The following ZFHX3 variants were observed in gnomAD, a reference collection of about 807,000 sequenced individuals.
The protein encoded by ZFHX3 is zinc finger homeobox protein 3.
In ZFHX3, 42 loss-of-function variants were observed where a neutral mutation model predicts 279.1. That is an observed-to-expected ratio of 0.15 (90% CI 0.12 to 0.19). The LOEUF is 0.19. ZFHX3 is among the 10% of genes least tolerant of loss of function. The pLI, the probability that ZFHX3 is intolerant of heterozygous loss-of-function variation, is 1.00. For synonymous variants in ZFHX3, 2,293 were observed against 1,957.8 expected (o/e 1.17, Z -4.52); for missense variants, 4,981 against 4,754.0 (o/e 1.05, Z -1.40).
rs2035792410 is a variant in ZFHX3 at position 72,793,644 on chromosome 16, C to T, written c.9038G>A (p.Gly3013Asp). 1 of 1,614,144 alleles carries T rather than the reference C, an allele frequency of 6.2e-7. No individual in the cohort carries two copies. The highest frequency in any genetic ancestry group is 8.5e-7 in the Non-Finnish European group (1 of 1,180,026). The change falls in exon 9 of 10, where the codon GGT becomes GAT. Residue 3013 changes from glycine to aspartate, a missense_variant. Transcript: ENST00000268489. The surrounding 1 kb of genome is among the most constrained non-coding windows in gnomAD (Gnocchi z 4.3). ...TCCCTCATAACTCGTTTGGTTTATA[C>T]CAAAATGCTTGGCCATGCTTAACTT... ...KSKLSMAKHF[G>D]INQTSYEGPK...
At chr16:73,302,000 C>T (rs2143134708) in intron 4 of ZFHX3, among the ~76,000 whole-genome samples, 1 of 152,180 alleles carries the variant, frequency 6.6e-6, no homozygotes, top group East Asian at 1.9e-4. Context: ...CCAACCTGTG[C>T]ACCAGCCACA....
chr16:73,873,330 A>T (rs1368743013), intron 1 of ZFHX3, among the ~76,000 whole-genome samples: 1 of 151,188 alleles, frequency 6.6e-6, no homozygotes, highest in Non-Finnish European at 1.5e-5. Context: ...GGTGGTGGTG[A>T]CCAAATTAGC....
chr16:72,945,792 C>T (rs542529443), intron 3 of ZFHX3, among the ~76,000 whole-genome samples: 12 of 152,086 alleles, frequency 7.9e-5, no homozygotes, highest in South Asian at 2.1e-4. Flanking sequence ...GAAGGCAGGA[C>T]GGGAGGGAGG....
At chr16:73,575,231 G>C (rs1419875878) in intron 2 of ZFHX3, among the ~76,000 whole-genome samples, 2 of 152,120 alleles carry the variant, frequency 1.3e-5, no homozygotes, top group Non-Finnish European at 2.9e-5. Flanking sequence ...AAGTCATCCA[G>C]GATTCCAACT....
At chr16:73,283,777 C>A (rs757684243) in intron 4 of ZFHX3, among the ~76,000 whole-genome samples, 13 of 152,110 alleles carry the variant, frequency 8.5e-5, no homozygotes, top group Non-Finnish European at 1.5e-4. Flanking sequence ...GACATTATCT[C>A]TACTAAAAGT....
At chr16:73,886,906 TAA>T (rs1476068415) in intron 1 of ZFHX3, among the ~76,000 whole-genome samples, 1 of 152,176 alleles carries the variant, frequency 6.6e-6, no homozygotes, top group Non-Finnish European at 1.5e-5. Context: ...TGTCACTGAT[TAA>T]AAGTTTCTAT....
chr16:73,857,043 A>G (rs898972095), intron 1 of ZFHX3, among the ~76,000 whole-genome samples: 2 of 152,232 alleles, frequency 1.3e-5, no homozygotes, highest in Non-Finnish European at 2.9e-5. Context: ...CAGAAGACAG[A>G]CAACTCAGGA....
intron 1 of ZFHX3, among the ~76,000 whole-genome samples, chr16:73,888,126 G>A (rs578149337): frequency 2.4e-4 from 37 of 152,186 alleles, no homozygotes; most frequent in Non-Finnish European, 4.1e-4. Context: ...ATGTCTCTAG[G>A]AGCATCACCG....
chr16:73,677,692 T>A (rs1247747817), intron 2 of ZFHX3, among the ~76,000 whole-genome samples: 1 of 151,956 alleles, frequency 6.6e-6, no homozygotes, highest in Non-Finnish European at 1.5e-5. Flanking sequence ...AAAATATAAA[T>A]CATCAAACTT....
At chr16:73,755,636 G>C (rs1170139620) in intron 1 of ZFHX3, among the ~76,000 whole-genome samples, 1 of 152,106 alleles carries the variant, frequency 6.6e-6, no homozygotes, top group Non-Finnish European at 1.5e-5. Context: ...GCATCAACTG[G>C]GAATTGTCCT....
intron 2 of ZFHX3, among the ~76,000 whole-genome samples, chr16:73,488,465 C>T (rs1225457084): frequency 6.6e-6 from 1 of 152,134 alleles, no homozygotes; most frequent in African/African-American, 2.4e-5. Context: ...CACTGTCAGC[C>T]CATCTGGAGA....
intron 2 of ZFHX3, among the ~76,000 whole-genome samples, chr16:73,602,341 T>G (rs1182017998): frequency 1.3e-5 from 2 of 152,178 alleles, no homozygotes; most frequent in African/African-American, 4.8e-5. Flanking sequence ...TGAGACCGTA[T>G]GAATACTACA....
chr16:72,928,881 G>C (rs997966786), intron 3 of ZFHX3, among the ~76,000 whole-genome samples: 3 of 152,126 alleles, frequency 2.0e-5, no homozygotes, highest in Non-Finnish European at 2.9e-5. Flanking sequence ...AGGATGGCCT[G>C]AGCCCAGGAG....
At chr16:73,018,649 T>C (rs1421597253) in intron 1 of ZFHX3, among the ~76,000 whole-genome samples, 1 of 152,166 alleles carries the variant, frequency 6.6e-6, no homozygotes, top group African/African-American at 2.4e-5. Flanking sequence ...AAGAATTTTC[T>C]TTAATTGGCA....
chr16:73,496,341 G>A (rs1432343735), intron 2 of ZFHX3, among the ~76,000 whole-genome samples: 1 of 152,174 alleles, frequency 6.6e-6, no homozygotes, highest in East Asian at 1.9e-4. Flanking sequence ...GACCAGCCTG[G>A]CCAATATGGT....
At chr16:73,596,934 TAAAAAG>T (rs141953647) in intron 2 of ZFHX3, among the ~76,000 whole-genome samples, 3,270 of 152,238 alleles carry the variant, frequency 0.021, 132 homozygotes, top group African/African-American at 0.074. Flanking sequence ...GCACCTCTCT[TAAAAAG>T]AAAATCAGTG....
intron 3 of ZFHX3, among the ~76,000 whole-genome samples, chr16:73,360,996 C>T (rs192062832): frequency 1.1e-3 from 173 of 152,276 alleles, no homozygotes; most frequent in Non-Finnish European, 2.1e-3. Context: ...AAAGCAAAAA[C>T]ACACACATAA....
chr16:73,265,015 C>CATATATATATATATATATATATATAT (rs59599339), intron 4 of ZFHX3, among the ~76,000 whole-genome samples: 4 of 142,098 alleles, frequency 2.8e-5, no homozygotes, highest in African/African-American at 1.0e-4. Flanking sequence ...CACCTCAGTG[C>CATATATATATATATATATATATATAT]ATATATATAT....
chr16:73,038,141 A>C (rs1228345959), intron 1 of ZFHX3, among the ~76,000 whole-genome samples: 4 of 152,142 alleles, frequency 2.6e-5, no homozygotes, highest in Non-Finnish European at 5.9e-5. Context: ...CTTGTCCAAC[A>C]AAAGGGACCT....
Sources: gnomAD v4.1 joint callset for allele counts (sites outside exome capture counted in the v4.1 genomes callset) on GRCh38, gnomAD v4.1.1 for gene constraint, Gnocchi (gnomAD v3.1) non-coding constraint, MANE v1.5 for transcripts, NCBI Gene and HGNC (gene_info 2026-07-23, HGNC 2026-07-21) for gene names.